The following OSBPL8 variants were observed in gnomAD, a reference collection of about 807,000 sequenced individuals.
The protein encoded by OSBPL8 is oxysterol-binding protein-related protein 8.
OSBPL8 carries 59 observed loss-of-function variants against 125.5 expected under a neutral mutation model. The ratio of observed to expected loss-of-function variants is 0.47; its 90% CI spans 0.38 to 0.58. The LOEUF (loss-of-function observed/expected upper bound fraction) is 0.58, where lower values mean the gene tolerates loss of function less well. Among genes scored for constraint, OSBPL8 ranks in the 20% least tolerant of loss-of-function variants. OSBPL8 has a pLI of 0.00. For synonymous variants in OSBPL8, 330 were observed against 338.9 expected (o/e 0.97, Z 0.29); for missense variants, 758 against 1,047.8 (o/e 0.72, Z 3.82).
chr12:76,552,428 CAAAAAAAAAAA>C (rs55942644), intron 1 of OSBPL8, among the ~76,000 whole-genome samples: 1 of 54,858 alleles, frequency 1.8e-5, no homozygotes, highest in African/African-American at 7.3e-5. Context: ...CCCATGTCTC[CAAAAAAAAAAA>C]AAAAAAAAAA....
intron 9 of OSBPL8, among the ~76,000 whole-genome samples, chr12:76,393,227 C>T (rs971974948): frequency 5.3e-5 from 8 of 152,022 alleles, no homozygotes; most frequent in African/African-American, 1.7e-4. Flanking sequence ...CCATTAACTG[C>T]CATATTAGTT....
In OSBPL8 at chr12:76,516,198, T is replaced by C. The variant is rs144517987; in HGVS notation, c.-67-28580A>G. 5.5e-3 allele frequency among the ~76,000 whole-genome samples: 844 copies of C among 152,324 alleles called. 7 individuals carry two copies. Among genetic ancestry groups the C allele is most frequent in the Non-Finnish European group, 6.9e-3 (468 of 68,026 alleles). On this transcript the variant is annotated intron_variant, in intron 1 of 23. Transcript: ENST00000261183. ...CTAAAGGTACTCTGACCTTCCTTTT[T>C]CTTCCTGAAAGCAGGAGATGAAACT...
intron 2 of OSBPL8, among the ~76,000 whole-genome samples, chr12:76,473,625 C>A (rs984189199): frequency 2.0e-5 from 3 of 152,254 alleles, no homozygotes; most frequent in Admixed American, 2.0e-4. Context: ...AACTGGTTGC[C>A]CCCAATACTC....
In OSBPL8 at chr12:76,480,357, G is replaced by A. The variant is rs529522613; in HGVS notation, c.42+7153C>T. On this transcript the variant is annotated intron_variant, in intron 2 of 23. Coordinates refer to ENST00000261183, the MANE Select transcript of OSBPL8 (RefSeq NM_020841.5). The stretch of plus-strand genomic sequence containing the variant: ...GAATACAATGATTTATCTAAGATTT[G>A]TTCAAAAACTCTGGCTTAGGAAGGT... Among the ~76,000 whole-genome samples, 5 of 152,150 alleles carry A rather than the reference G, an allele frequency of 3.3e-5. No individual in the cohort carries two copies. The South Asian group carries it at 1.0e-3, about 32-fold the overall frequency.
chr12:76,432,078 C>G (rs1004121263), intron 4 of OSBPL8, among the ~76,000 whole-genome samples: 5 of 152,244 alleles, frequency 3.3e-5, no homozygotes, highest in African/African-American at 1.2e-4. Context: ...AAAGTATCAA[C>G]TACTTACTGT....
intron 21 of OSBPL8, among the ~76,000 whole-genome samples, chr12:76,359,901 C>G (rs368679639): frequency 3.9e-5 from 6 of 152,060 alleles, no homozygotes; most frequent in African/African-American, 1.4e-4. Flanking sequence ...CCCACCAAGT[C>G]CCTCCCACAA....
intron 17 of OSBPL8, among the ~76,000 whole-genome samples, chr12:76,374,309 G>C (rs11110681): frequency 6.6e-6 from 1 of 151,886 alleles, no homozygotes; most frequent in African/African-American, 2.4e-5. Context: ...TTGACAATAC[G>C]TACCCTCTCC....
At position 76,369,781 on chromosome 12, in the gene OSBPL8, T is replaced by G; in HGVS notation, c.2096A>C (p.Gln699Pro). The G allele has an allele frequency of 6.2e-7, 1 of 1,613,586 alleles. No homozygotes were observed. Among genetic ancestry groups the G allele is most frequent in the Non-Finnish European group, 8.5e-7 (1 of 1,179,706 alleles). ...ATACTTCTCTTGGGTAGCTTCAGTT[T>G]GGTCTTTGGCATTTATGGCTCGAGT... ...RVTRAINAKD[Q>P]TEATQEKYVL... The change falls in exon 20 of 24, where the codon CAA becomes CCA. Residue 699 changes from glutamine to proline, a missense_variant. By Grantham distance (76) the Gln-to-Pro change is moderately conservative. Coordinates refer to ENST00000261183, the MANE Select transcript of OSBPL8 (RefSeq NM_020841.5).
At chr12:76,447,980 AG>A (rs1169514016) in intron 4 of OSBPL8, among the ~76,000 whole-genome samples, 1 of 152,252 alleles carries the variant, frequency 6.6e-6, no homozygotes, top group African/African-American at 2.4e-5. Context: ...AGCCTACTGT[AG>A]AAAGATTTGG....
At chr12:76,536,132 C>T (rs1311651334) in intron 1 of OSBPL8, among the ~76,000 whole-genome samples, 2 of 151,336 alleles carry the variant, frequency 1.3e-5, no homozygotes. Context: ...ACAGAAGTAG[C>T]GAAAGGCAAA....
intron 1 of OSBPL8, among the ~76,000 whole-genome samples, chr12:76,499,977 G>A (rs1879733503): frequency 6.6e-6 from 1 of 151,934 alleles, no homozygotes; most frequent in Non-Finnish European, 1.5e-5. Context: ...TCCTTTACCT[G>A]CCCTGGAAGA....
At position 76,370,030 on chromosome 12, in the gene OSBPL8, A is replaced by C. The variant is rs750665242; in HGVS notation, c.2055-208T>G. On this transcript the variant is annotated intron_variant, in intron 19 of 23. Transcript: ENST00000261183. ...GAGACCTGTTCATAAGTGGAGACTA[A>C]TTTTTTTTACTTGGCAAGAGAAACT... Among the ~76,000 whole-genome samples the C allele has an allele frequency of 2.2e-4, 33 of 151,958 alleles. 1 individual carries two copies. The highest frequency in any genetic ancestry group is 2.0e-4 in the Admixed American group (3 of 15,242).
intron 8 of OSBPL8, among the ~76,000 whole-genome samples, chr12:76,397,318 G>C (rs1163698552): frequency 1.2e-5 from 1 of 81,302 alleles, no homozygotes; most frequent in Non-Finnish European, 2.2e-5. Context: ...TTACCATTTT[G>C]ACAAAGAGAA....
chr12:76,365,395 T>C (rs998941875), intron 21 of OSBPL8, among the ~76,000 whole-genome samples: 2 of 152,260 alleles, frequency 1.3e-5, no homozygotes, highest in Non-Finnish European at 2.9e-5. Flanking sequence ...GATGCTATTA[T>C]TGAATTGCTT....
At chr12:76,453,412 A>C (rs949370841) in intron 3 of OSBPL8, among the ~76,000 whole-genome samples, 1 of 152,234 alleles carries the variant, frequency 6.6e-6, no homozygotes, top group Non-Finnish European at 1.5e-5. Context: ...GACCTAAAGA[A>C]CATAGCAGAT....
At chr12:76,483,657 A>AGT (rs1877793879) in intron 2 of OSBPL8, among the ~76,000 whole-genome samples, 1 of 117,842 alleles carries the variant, frequency 8.5e-6, no homozygotes, top group Non-Finnish European at 1.7e-5. Flanking sequence ...TCACTGTAAT[A>AGT]GTCTTTTTTT....
chr12:76,469,795 T>C (rs1449414281), intron 2 of OSBPL8, among the ~76,000 whole-genome samples: 1 of 152,180 alleles, frequency 6.6e-6, no homozygotes, highest in African/African-American at 2.4e-5. Context: ...TTAGCTCCAC[T>C]GAAGTGGGAA....
At chr12:76,413,156 T>C (rs1868302083) in intron 4 of OSBPL8, among the ~76,000 whole-genome samples, 1 of 152,032 alleles carries the variant, frequency 6.6e-6, no homozygotes, top group African/African-American at 2.4e-5. Context: ...TTCAGAAAAA[T>C]GCCTAAAACA....
chr12:76,518,289 C>T (rs1233014256), intron 1 of OSBPL8, among the ~76,000 whole-genome samples: 2 of 152,216 alleles, frequency 1.3e-5, no homozygotes, highest in African/African-American at 4.8e-5. Flanking sequence ...CCTTAAAACT[C>T]CAACATAATC....
Sources: gnomAD v4.1 joint callset for allele counts (sites outside exome capture counted in the v4.1 genomes callset) on GRCh38, gnomAD v4.1.1 for gene constraint, MANE v1.5 for transcripts, NCBI Gene and HGNC (gene_info 2026-07-23, HGNC 2026-07-21) for gene names.